The following CACNA2D3 variants were observed in gnomAD, a reference collection of about 807,000 sequenced individuals.
The protein encoded by CACNA2D3 is calcium voltage-gated channel auxiliary subunit alpha2delta 3.
A neutral mutation model predicts 160.6 loss-of-function variants in CACNA2D3; 60 were observed. The ratio of observed to expected loss-of-function variants is 0.37; its 90% CI spans 0.30 to 0.46. CACNA2D3 has a LOEUF of 0.46. Among genes scored for constraint, CACNA2D3 ranks in the 20% least tolerant of loss-of-function variants. CACNA2D3 has a pLI of 1.00. For missense variants in CACNA2D3, 1,205 were observed against 1,365.0 expected, an observed-to-expected ratio of 0.88 and a Z score of 1.85; for synonymous variants, 558 against 492.9, an observed-to-expected ratio of 1.13 and a Z score of -1.75.
intron 2 of CACNA2D3, among the ~76,000 whole-genome samples, chr3:54,135,761 A>C (rs1316894111): frequency 6.6e-6 from 1 of 152,160 alleles, no homozygotes; most frequent in Non-Finnish European, 1.5e-5. Flanking sequence ...ATTTAGAAGG[A>C]GATGAGAGGA....
intron 3 of CACNA2D3, among the ~76,000 whole-genome samples, chr3:54,374,529 A>G (rs749103098): frequency 2.2e-4 from 33 of 152,172 alleles, no homozygotes; most frequent in Non-Finnish European, 3.8e-4. Context: ...CTTCACTTTT[A>G]AAAACATTCT....
chr3:54,752,529 C>T, intron 11 of CACNA2D3, 70 bp from the exon 12 acceptor site: 2 of 988,190 alleles, frequency 2.0e-6, no homozygotes, highest in Non-Finnish European at 1.6e-6. Context: ...TGTGTGTGAG[C>T]CATGCATGTG....
intron 2 of CACNA2D3, among the ~76,000 whole-genome samples, chr3:54,313,496 G>A (rs1463728714): frequency 2.0e-5 from 3 of 151,840 alleles, no homozygotes; most frequent in Non-Finnish European, 4.4e-5. Flanking sequence ...GCCTGTCCCC[G>A]CAGCCCCACC....
At chr3:54,587,201 A>G (rs1012653335) in intron 9 of CACNA2D3, among the ~76,000 whole-genome samples, 5 of 152,138 alleles carry the variant, frequency 3.3e-5, no homozygotes, top group African/African-American at 1.2e-4. Flanking sequence ...AGAAAAATCA[A>G]TGACACCAAA....
At chr3:54,392,861 C>T (rs1206338976) in intron 4 of CACNA2D3, among the ~76,000 whole-genome samples, 1 of 152,028 alleles carries the variant, frequency 6.6e-6, no homozygotes, top group Admixed American at 6.5e-5. Context: ...CTTTCACCAT[C>T]CACTAGGAAA....
intron 5 of CACNA2D3, among the ~76,000 whole-genome samples, chr3:54,553,382 G>A (rs999298476): frequency 2.0e-5 from 3 of 152,262 alleles, no homozygotes; most frequent in South Asian, 2.1e-4. Context: ...TCCAACACAC[G>A]GCACAGAAGA....
intron 34 of CACNA2D3, among the ~76,000 whole-genome samples, chr3:55,013,469 T>A (rs904457077): frequency 6.6e-6 from 1 of 152,190 alleles, no homozygotes; most frequent in Non-Finnish European, 1.5e-5. Flanking sequence ...GTCATTGGGA[T>A]ATCTTATTAA....
At chr3:54,966,336 G>T (rs1702149537) in intron 27 of CACNA2D3, among the ~76,000 whole-genome samples, 1 of 152,166 alleles carries the variant, frequency 6.6e-6, no homozygotes, top group Non-Finnish European at 1.5e-5. Context: ...TTGAAATGCA[G>T]TCAACTACCA....
intron 2 of CACNA2D3, among the ~76,000 whole-genome samples, chr3:54,290,951 A>T (rs1703183923): frequency 6.6e-6 from 1 of 152,184 alleles, no homozygotes; most frequent in African/African-American, 2.4e-5. Flanking sequence ...AGATATACCT[A>T]ATGCTAAATG....
chr3:54,894,661 C>T (rs763143415), intron 25 of CACNA2D3: 9 of 508,608 alleles, frequency 1.8e-5, no homozygotes, highest in African/African-American at 1.7e-4. Flanking sequence ...GCACCTGTGA[C>T]CCAGGGTAGA....
At chr3:54,126,455 A>G (rs1425653755) in intron 2 of CACNA2D3, among the ~76,000 whole-genome samples, 7 of 152,170 alleles carry the variant, frequency 4.6e-5, no homozygotes, top group Non-Finnish European at 5.9e-5. Context: ...AGTTGTTTCT[A>G]TGTTTAATAC....
At chr3:54,935,068 C>T (rs776068634) in intron 27 of CACNA2D3, among the ~76,000 whole-genome samples, 39 of 152,202 alleles carry the variant, frequency 2.6e-4, no homozygotes, top group Non-Finnish European at 4.9e-4. Context: ...GTTTTCTCAT[C>T]ACCTTGAACC....
At chr3:54,809,360 G>A (rs1462559411) in intron 13 of CACNA2D3, among the ~76,000 whole-genome samples, 3 of 102,130 alleles carry the variant, frequency 2.9e-5, no homozygotes, top group South Asian at 3.3e-4. Context: ...CGCCCAGGTC[G>A]GACTGCGGAC....
At chr3:54,307,880 A>C (rs1703648563) in intron 2 of CACNA2D3, among the ~76,000 whole-genome samples, 2 of 152,208 alleles carry the variant, frequency 1.3e-5, no homozygotes, top group Admixed American at 1.3e-4. Flanking sequence ...GTGCTAGAGA[A>C]GGTCATTGAT....
rs765692970 is a variant in CACNA2D3 at position 54,416,486 on chromosome 3, G to A, written c.381+29712G>A. The stretch of plus-strand genomic sequence containing the variant: ...CTGTTACATCCATAATGGTGACACA[G>A]TTAAAAGCCACAGGTGATTGGTTAT... On this transcript the variant is annotated intron_variant, in intron 4 of 37. Transcript: ENST00000474759. 2.5e-4 allele frequency among the ~76,000 whole-genome samples: 38 copies of A among 152,236 alleles called. 1 individual carries two copies. Among genetic ancestry groups the A allele is most frequent in the Middle Eastern group, 3.4e-3 (1 of 294 alleles).
chr3:54,806,264 T>C (rs563033145), intron 13 of CACNA2D3, among the ~76,000 whole-genome samples: 2,176 of 152,232 alleles, frequency 0.014, 59 homozygotes, highest in African/African-American at 0.05. Flanking sequence ...AGTCAAATTG[T>C]CCCTGTTTGC....
chr3:54,936,594 ATCTTT>A (rs1283466242), intron 27 of CACNA2D3, among the ~76,000 whole-genome samples: 4 of 152,122 alleles, frequency 2.6e-5, no homozygotes, highest in Non-Finnish European at 5.9e-5. Context: ...TGATGTTCTC[ATCTTT>A]TCTTTTAATT....
intron 13 of CACNA2D3, among the ~76,000 whole-genome samples, chr3:54,785,221 A>G (rs1702613540): frequency 6.6e-6 from 1 of 152,216 alleles, no homozygotes; most frequent in South Asian, 2.1e-4. Context: ...TCAATAGGTT[A>G]TAAAATGCAG....
At chr3:54,365,893 A>T (rs192973726) in intron 3 of CACNA2D3, among the ~76,000 whole-genome samples, 145 of 152,218 alleles carry the variant, frequency 9.5e-4, no homozygotes, top group Non-Finnish European at 1.4e-3. Context: ...AATACAGCCT[A>T]TCCTCTCAGA....
Sources: gnomAD v4.1 joint callset for allele counts (sites outside exome capture counted in the v4.1 genomes callset) on GRCh38, gnomAD v4.1.1 for gene constraint, MANE v1.5 for transcripts, NCBI Gene and HGNC (gene_info 2026-07-23, HGNC 2026-07-21) for gene names.